The following ATP13A4 variants were observed in gnomAD, a reference collection of about 807,000 sequenced individuals.
The protein encoded by ATP13A4 is probable cation-transporting ATPase 13A4.
A neutral mutation model predicts 142.5 loss-of-function variants in ATP13A4; 114 were observed. That is an observed-to-expected ratio of 0.80 (90% CI 0.69 to 0.93). The LOEUF (loss-of-function observed/expected upper bound fraction) is 0.93, where lower values mean the gene tolerates loss of function less well. Among genes scored for constraint, ATP13A4 ranks in the 40% least tolerant of loss-of-function variants. ATP13A4 has a pLI of 0.00. For missense variants in ATP13A4, 1,392 were observed against 1,454.0 expected, an observed-to-expected ratio of 0.96 and a Z score of 0.69; for synonymous variants, 488 against 514.8, an observed-to-expected ratio of 0.95 and a Z score of 0.70.
intron 1 of ATP13A4, among the ~76,000 whole-genome samples, chr3:193,589,633 G>C (rs1724727375): frequency 6.6e-6 from 1 of 152,102 alleles, no homozygotes; most frequent in African/African-American, 2.4e-5. Flanking sequence ...GGAAAATTTA[G>C]TTTAAAGTAG....
intron 25 of ATP13A4, among the ~76,000 whole-genome samples, chr3:193,422,450 A>G (rs1276832384): frequency 1.3e-5 from 2 of 149,702 alleles, no homozygotes; most frequent in African/African-American, 4.9e-5. Context: ...CGCATGGAAC[A>G]TTCTCCAGTT....
chr3:193,428,707 C>T (rs568443638), intron 25 of ATP13A4, among the ~76,000 whole-genome samples: 15 of 148,178 alleles, frequency 1.0e-4, no homozygotes, highest in South Asian at 2.1e-4. Flanking sequence ...AACCAAGCAC[C>T]GCGTGTTCTC....
At chr3:193,574,634 T>C (rs1346313669) in intron 2 of ATP13A4, among the ~76,000 whole-genome samples, 2 of 152,140 alleles carry the variant, frequency 1.3e-5, no homozygotes, top group Non-Finnish European at 2.9e-5. Context: ...GAGAATCACT[T>C]GAACCTGGGG....
rs767141387 is a variant in ATP13A4 at position 193,435,736 on chromosome 3, C to T, written c.2681G>A (p.Arg894His). ...GCAAAAGGAGGTAACGAGAGCTGCA[C>T]GTCCTTCCCTGTGTAAGAAAAGAAA... is the stretch of plus-strand genomic sequence containing the variant. Reference protein sequence around the residue: ...ECVPHLIKEGRAALVTSFCMF... With the variant: ...ECVPHLIKEGHAALVTSFCMF... Residue 894 changes from arginine (R) to histidine (H), a missense_variant, in exon 24 of 30, where the codon CGT (arginine) becomes CAT (histidine). Coordinates refer to ENST00000342695, the MANE Select transcript of ATP13A4 (RefSeq NM_032279.4). The T allele has an allele frequency of 9.9e-6, 16 of 1,612,690 alleles. No individual in the cohort carries two copies. In the South Asian group the frequency reaches 1.3e-4, roughly 13 times the overall value.
At chr3:193,431,674 G>A (rs1453452112) in intron 25 of ATP13A4, among the ~76,000 whole-genome samples, 1 of 150,662 alleles carries the variant, frequency 6.6e-6, no homozygotes, top group Non-Finnish European at 1.5e-5. Context: ...GTGTGTATGT[G>A]TATATGTGGG....
At chr3:193,456,624 T>G (rs561222445) in intron 16 of ATP13A4, among the ~76,000 whole-genome samples, 1 of 152,104 alleles carries the variant, frequency 6.6e-6, no homozygotes, top group Non-Finnish European at 1.5e-5. Context: ...CAAATCAAAG[T>G]TGAGGAGACT....
At chr3:193,419,873 T>C (rs1211514324) in intron 25 of ATP13A4, among the ~76,000 whole-genome samples, 1 of 150,168 alleles carries the variant, frequency 6.7e-6, no homozygotes, top group Non-Finnish European at 1.5e-5. Context: ...GCCCAAGTGA[T>C]AGCTGTGCCA....
At position 193,499,590 on chromosome 3, in the gene ATP13A4, A is replaced by G. The variant is rs77454259; in HGVS notation, c.381+2903T>C. On this transcript the variant is annotated intron_variant, in intron 3 of 29. Transcript: ENST00000342695. Reference sequence around the variant, plus strand: ...TTTGAACTCCAGCCCATCTGGCTCCAGAGTTCAATCTCTCAAAGGATATCA... The same window carrying G: ...TTTGAACTCCAGCCCATCTGGCTCCGGAGTTCAATCTCTCAAAGGATATCA... Among the ~76,000 whole-genome samples, 505 of 152,336 alleles carry G rather than the reference A, an allele frequency of 3.3e-3. 3 individuals carry two copies. The highest frequency in any genetic ancestry group is 0.012 in the African/African-American group (486 of 41,572).
intron 8 of ATP13A4, among the ~76,000 whole-genome samples, chr3:193,475,133 G>T (rs531660086): frequency 1.4e-3 from 212 of 152,108 alleles, no homozygotes; most frequent in Non-Finnish European, 2.6e-3. Context: ...TCTTAACCTA[G>T]CAATTTTACT....
intron 18 of ATP13A4, 46 bp downstream of exon 18, chr3:193,448,160 T>C (rs779029954): frequency 6.2e-7 from 1 of 1,609,138 alleles, no homozygotes; most frequent in Non-Finnish European, 8.5e-7. Context: ...CATGTCTATT[T>C]CCACATCAAA....
At position 193,467,227 on chromosome 3, in the gene ATP13A4, C is replaced by G. The variant is rs1218625068; in HGVS notation, c.1114+89G>C. 5.3e-6 allele frequency: 7 copies of G among 1,324,580 alleles called. No individual in the cohort carries two copies. The Admixed American group carries it at 6.5e-5, about 12-fold the overall frequency. The allele number at this position is 1,324,580 out of a possible 1,614,324, so 82.1% of individuals were successfully genotyped here. A position where few individuals can be genotyped will look rare whatever the true frequency, so the allele number is the denominator to read the frequency against. On this transcript the variant is annotated intron_variant, in intron 10 of 29. Transcript: ENST00000342695. ...AAAAAATATGATTATAAAGAAAAAACAGCTTCTCTTTACCTAATAAATTTA... is the reference window on the plus strand; with the variant it reads ...AAAAAATATGATTATAAAGAAAAAAGAGCTTCTCTTTACCTAATAAATTTA...
At chr3:193,504,020 TGAGAGAGAGA>T (rs1553851730) in intron 2 of ATP13A4, among the ~76,000 whole-genome samples, 1 of 144,216 alleles carries the variant, frequency 6.9e-6, no homozygotes, top group East Asian at 2.0e-4. Flanking sequence ...TGTGTGTGTG[TGAGAGAGAGA>T]GAGAGAGAGA....
intron 2 of ATP13A4, among the ~76,000 whole-genome samples, chr3:193,507,834 C>A (rs2108680386): frequency 6.6e-6 from 1 of 152,142 alleles, no homozygotes; most frequent in East Asian, 1.9e-4. Context: ...TTAGTTCTCA[C>A]AAGGAGATAG....
At chr3:193,455,067 G>T (rs1576980667) in intron 16 of ATP13A4, among the ~76,000 whole-genome samples, 1 of 152,044 alleles carries the variant, frequency 6.6e-6, no homozygotes, top group Non-Finnish European at 1.5e-5. Flanking sequence ...GGCCGGGTGT[G>T]GTGGCTCAAG....
intron 13 of ATP13A4, among the ~76,000 whole-genome samples, chr3:193,462,284 T>G (rs56336089): frequency 0.24 from 36,188 of 151,408 alleles, 4,504 homozygotes; most frequent in African/African-American, 0.28. Flanking sequence ...TTCTCAAAAT[T>G]TGAATACCAA....
At chr3:193,438,410 G>A in intron 23 of ATP13A4, 65 bp downstream of exon 23, 1 of 1,348,184 alleles carries the variant, frequency 7.4e-7, no homozygotes, top group South Asian at 1.2e-5. Flanking sequence ...TTCCCAGGCA[G>A]AACAATGTGA....
chr3:193,448,077 TGCCCA>T, intron 18 of ATP13A4, 124 bp downstream of exon 18: 2 of 1,259,436 alleles, frequency 1.6e-6, no homozygotes, highest in Admixed American at 4.0e-5. Context: ...GCCTTTTTGT[TGCCCA>T]TCTCCAGCAC....
intron 1 of ATP13A4, among the ~76,000 whole-genome samples, chr3:193,540,485 G>A (rs1722827737): frequency 8.6e-6 from 1 of 116,566 alleles, no homozygotes; most frequent in African/African-American, 3.4e-5. Context: ...CAAATGTGTA[G>A]ACCTCCAAAG....
intron 2 of ATP13A4, among the ~76,000 whole-genome samples, chr3:193,568,084 T>C (rs542553994): frequency 8.0e-4 from 122 of 152,170 alleles, no homozygotes; most frequent in Middle Eastern, 6.8e-3. Flanking sequence ...CTCAGCCTCC[T>C]GAGTAGCTGG....
Sources: gnomAD v4.1 joint callset for allele counts (sites outside exome capture counted in the v4.1 genomes callset) on GRCh38, gnomAD v4.1.1 for gene constraint, MANE v1.5 for transcripts, NCBI Gene and HGNC (gene_info 2026-07-23, HGNC 2026-07-21) for gene names.